Variants in CTCFL observed in about 807,000 individuals in gnomAD.
The protein encoded by CTCFL is CCCTC-binding factor like.
A neutral mutation model predicts 67.4 loss-of-function variants in CTCFL; 36 were observed. The ratio of observed to expected loss-of-function variants is 0.53; its 90% CI spans 0.41 to 0.71. CTCFL has a LOEUF of 0.71. Among genes scored for constraint, CTCFL ranks in the 30% least tolerant of loss-of-function variants. The pLI, the probability that CTCFL is intolerant of heterozygous loss-of-function variation, is 0.00. For synonymous variants in CTCFL, 324 were observed against 302.3 expected (o/e 1.07, Z -0.75); for missense variants, 786 against 835.2 (o/e 0.94, Z 0.73).
Position 57,519,234 on chromosome 20 carries a change from G to A in CTCFL, c.898C>T (p.Leu300=). ...GTGTGGGTGTTAACATGGTTCCGCA[G>A]CAGAGTGACCGTACGGAAGGTTTTC... The part of the protein sequence containing the change: ...CLKTFRTVTL[L]RNHVNTHTGT... The change falls in exon 4 of 11, where the codon CTG becomes TTG. Residue 300 remains leucine, a synonymous_variant. Coordinates refer to ENST00000243914, the MANE Select transcript of CTCFL (RefSeq NM_001386993.1). 2 of 1,614,164 alleles carry A rather than the reference G, an allele frequency of 1.2e-6. No homozygotes were observed. The highest frequency in any genetic ancestry group is 1.7e-6 in the Non-Finnish European group (2 of 1,180,028).
At chr20:57,496,270 T>C, downstream of CTCFL, 1 of 692,262 alleles carries the variant, frequency 1.4e-6, no homozygotes, top group Non-Finnish European at 2.6e-6. Flanking sequence ...ACGCGCCTAC[T>C]CCCTCTTCGC....
Position 57,498,069 on chromosome 20 carries a change from C to T in CTCFL, c.*481G>A. On this transcript the variant is annotated 3_prime_UTR_variant, in exon 11 of 11. Coordinates refer to ENST00000243914, the MANE Select transcript of CTCFL (RefSeq NM_001386993.1). Reference sequence around the variant, plus strand: ...AAACATTTGTCTTTAATGTTTAAAACCATATATTATTAGAAATATCATGGG... The same window carrying T: ...AAACATTTGTCTTTAATGTTTAAAATCATATATTATTAGAAATATCATGGG... 1 of 910,496 alleles carries T rather than the reference C, an allele frequency of 1.1e-6. No homozygotes were observed. Among genetic ancestry groups the T allele is most frequent in the Non-Finnish European group, 1.3e-6 (1 of 761,880 alleles). 56.4% of individuals were successfully genotyped at this position (910,496 alleles called of 1,614,324 possible). A position where few individuals can be genotyped will look rare whatever the true frequency, so the allele number is the denominator to read the frequency against.
At chr20:57,503,665 G>T in intron 9 of CTCFL, 64 bp from the exon 10 acceptor site, 18 of 1,542,030 alleles carry the variant, frequency 1.2e-5, no homozygotes, top group Non-Finnish European at 1.6e-5. Context: ...CCTCTCAGGG[G>T]CCTGTGGGGA....
At position 57,515,757 on chromosome 20, in the gene CTCFL, G is replaced by A; in HGVS notation, c.1137C>T (p.Ser379=). The change falls in exon 6 of 11, where the codon AGC becomes AGT. Residue 379 remains serine, a synonymous_variant. Transcript: ENST00000243914. ...PFQCCQCSYA[S]RDTYKLKRHM... Reference sequence around the variant, plus strand: ...GGCGTTTCAGCTTGTAGGTATCTCTGCTGGCATAGCTGCACTGGCAACACT... The same window carrying A: ...GGCGTTTCAGCTTGTAGGTATCTCTACTGGCATAGCTGCACTGGCAACACT... 1 of 1,614,124 alleles carries A rather than the reference G, an allele frequency of 6.2e-7. No individual in the cohort carries two copies. The highest frequency in any genetic ancestry group is 8.5e-7 in the Non-Finnish European group (1 of 1,180,026).
chr20:57,502,604 G>A (rs2067977411), intron 10 of CTCFL, among the ~76,000 whole-genome samples: 1 of 152,176 alleles, frequency 6.6e-6, no homozygotes. Flanking sequence ...CGGTTCTAAG[G>A]TTCTCAGAGG....
chr20:57,509,875 C>T (rs2146340119), intron 8 of CTCFL, among the ~76,000 whole-genome samples: 1 of 152,252 alleles, frequency 6.6e-6, no homozygotes, highest in South Asian at 2.1e-4. Flanking sequence ...CAGCCAGGAG[C>T]ACCCAGCAGT....
chr20:57,523,461 C>T (rs1223530476), intron 2 of CTCFL, among the ~76,000 whole-genome samples, 183 bp from the exon 3 acceptor site: 1 of 152,098 alleles, frequency 6.6e-6, no homozygotes, highest in Non-Finnish European at 1.5e-5. Context: ...ACATAATGCG[C>T]CTTACACTAT....
chr20:57,506,659 C>A (rs769246266), intron 9 of CTCFL: 1 of 363,482 alleles, frequency 2.8e-6, no homozygotes. Context: ...TATAAGAGTT[C>A]TTTTTATATT....
chr20:57,516,085 T>A (rs758352995), intron 5 of CTCFL, among the ~76,000 whole-genome samples: 1 of 152,216 alleles, frequency 6.6e-6, no homozygotes, highest in Non-Finnish European at 1.5e-5. Context: ...TGAGAGACTT[T>A]CGCGTTCACC....
chr20:57,510,785 C>T (rs150053675), intron 8 of CTCFL, among the ~76,000 whole-genome samples: 8,360 of 152,242 alleles, frequency 0.055, 265 homozygotes, highest in Middle Eastern at 0.13. Flanking sequence ...ATGGCGTGAA[C>T]CCAGGAGGTG....
At chr20:57,500,287 A>G in intron 10 of CTCFL, 1 of 782,932 alleles carries the variant, frequency 1.3e-6, no homozygotes, top group Non-Finnish European at 1.8e-6. Context: ...CCCCATCTCT[A>G]CTAAAAATAA....
chr20:57,512,496 G>T, intron 8 of CTCFL, 96 bp downstream of exon 8: 2 of 1,251,602 alleles, frequency 1.6e-6, no homozygotes, highest in Non-Finnish European at 2.3e-6. Flanking sequence ...TTAAAAGCAT[G>T]ACTTTTCTCA....
intron 1 of CTCFL, 37 bp from the exon 2 acceptor site, chr20:57,524,253 G>T (rs2069672334): frequency 6.4e-7 from 1 of 1,564,964 alleles, no homozygotes; most frequent in African/African-American, 1.4e-5. Context: ...CCATAGGGGG[G>T]AGAAGGGGGT....
chr20:57,501,551 T>G (rs927110611), intron 10 of CTCFL, among the ~76,000 whole-genome samples: 1 of 152,208 alleles, frequency 6.6e-6, no homozygotes, highest in Non-Finnish European at 1.5e-5. Context: ...GGAATCCAAA[T>G]GGAATGCAGG....
intron 3 of CTCFL, among the ~76,000 whole-genome samples, chr20:57,520,759 TAGA>T (rs2069294421): frequency 6.6e-6 from 1 of 152,196 alleles, no homozygotes; most frequent in South Asian, 2.1e-4. Context: ...AAACTTGGAA[TAGA>T]AGGTTTATGG....
intron 2 of CTCFL, 76 bp downstream of exon 2, chr20:57,523,587 G>C (rs1382494485): frequency 2.0e-6 from 3 of 1,534,964 alleles, no homozygotes; most frequent in Non-Finnish European, 2.6e-6. Flanking sequence ...ACCTTGTCCA[G>C]ACATAATATT....
Position 57,503,489 on chromosome 20 carries a change from G to A in CTCFL, c.1787C>T (p.Thr596Ile), listed in dbSNP as rs373315044. The A allele has an allele frequency of 1.2e-6, 2 of 1,614,106 alleles. No individual in the cohort carries two copies. The highest frequency in any genetic ancestry group is 2.7e-5 in the African/African-American group (2 of 74,932). ...KRKQTILKEA[T>I]KGQKEAAKGW... ...CTTCGCAGCTTCCTTCTGACCCTTT[G>A]TGGCTTCCTTCAGGATGGTCTGCTT... is the stretch of plus-strand genomic sequence containing the variant. Residue 596 changes from threonine to isoleucine, a missense_variant, in exon 10 of 11, where the codon ACA (threonine) becomes ATA (isoleucine). Around this residue, in one of 3 missense-constraint regions of CTCFL, gnomAD observed 199 missense variants for 196.7 expected, o/e 1.01. Coordinates refer to ENST00000243914, the MANE Select transcript of CTCFL (RefSeq NM_001386993.1).
chr20:57,506,763 C>T (rs1244503806), intron 9 of CTCFL: 2 of 982,314 alleles, frequency 2.0e-6, no homozygotes, highest in South Asian at 4.7e-5. Flanking sequence ...CTTTTCTCTA[C>T]ATTTTTATTT....
At chr20:57,506,268 T>G (rs2146314753) in intron 9 of CTCFL, among the ~76,000 whole-genome samples, 1 of 152,336 alleles carries the variant, frequency 6.6e-6, no homozygotes, top group African/African-American at 2.4e-5. Flanking sequence ...CCTGTATGTC[T>G]TCTTTGGAGA....
Sources: allele counts gnomAD v4.1 joint callset (sites outside exome capture counted in the v4.1 genomes callset), GRCh38; gene constraint gnomAD v4.1.1; regional missense constraint gnomAD v4.1.1; transcripts MANE v1.5; gene names NCBI Gene and HGNC (gene_info 2026-07-23, HGNC 2026-07-21).